RASSF8: variants seen among roughly 807,000 people sequenced by gnomAD.
RASSF8 encodes ras association domain-containing protein 8.
A neutral mutation model predicts 48.5 loss-of-function variants in RASSF8; 22 were observed. The ratio of observed to expected loss-of-function variants is 0.45; its 90% CI spans 0.32 to 0.65. The LOEUF is 0.65. RASSF8 is among the 30% of genes least tolerant of loss of function. RASSF8 has a pLI of 0.03. For synonymous variants in RASSF8, 127 were observed against 171.5 expected, an observed-to-expected ratio of 0.74 and a Z score of 2.03; for missense variants, 418 against 489.2, an observed-to-expected ratio of 0.85 and a Z score of 1.37.
At chr12:25,975,270 T>G (rs554171998) in intron 1 of RASSF8, among the ~76,000 whole-genome samples, 1 of 152,176 alleles carries the variant, frequency 6.6e-6, no homozygotes, top group Admixed American at 6.5e-5. Context: ...ATCATTAAAG[T>G]TAGATGTGCA....
At position 25,961,715 on chromosome 12, in the gene RASSF8, C is replaced by T. The variant is rs187600064; in HGVS notation, c.-203+2567C>T. Among the ~76,000 whole-genome samples the T allele has an allele frequency of 1.8e-3, 275 of 152,290 alleles. 2 individuals carry two copies. Among genetic ancestry groups the T allele is most frequent in the African/African-American group, 6.3e-3 (263 of 41,556 alleles). On this transcript the variant is annotated intron_variant, in intron 1 of 5. Coordinates refer to ENST00000689635, the MANE Select transcript of RASSF8 (RefSeq NM_001394098.1). ...TAATATATATTAGATGTGCCTGGCA[C>T]ATTTCAGCCAATAAATGACAACATC... is the stretch of plus-strand genomic sequence containing the variant.
At chr12:26,040,753 G>A (rs1046341834) in intron 2 of RASSF8, among the ~76,000 whole-genome samples, 4 of 152,020 alleles carry the variant, frequency 2.6e-5, no homozygotes, top group African/African-American at 9.7e-5. Flanking sequence ...TTGAACTGTG[G>A]CTTTTTCCTG....
chr12:26,008,333 T>C (rs183574218), intron 2 of RASSF8, among the ~76,000 whole-genome samples: 1 of 152,322 alleles, frequency 6.6e-6, no homozygotes, highest in East Asian at 1.9e-4. Context: ...CTATACTGTT[T>C]CCAGCCAGTT....
At chr12:25,986,731 A>G (rs1941884655) in intron 1 of RASSF8, among the ~76,000 whole-genome samples, 1 of 152,158 alleles carries the variant, frequency 6.6e-6, no homozygotes, top group Admixed American at 6.5e-5. Flanking sequence ...TCCAGTGGCC[A>G]TTGGCTTCTC....
At position 26,072,061 on chromosome 12, in the gene RASSF8, A is replaced by AT; in HGVS notation, c.*3246dup. On this transcript the variant is annotated 3_prime_UTR_variant, in exon 6 of 6. Coordinates refer to ENST00000689635, the MANE Select transcript of RASSF8 (RefSeq NM_001394098.1). ...AACACAGAAAAGACAAAAACTTTTG[A>AT]TTTCAGGCATGCAAAGTGCTTGGGC... 1 of 985,398 alleles carries AT rather than the reference A, an allele frequency of 1.0e-6. No individual in the cohort carries two copies. Among genetic ancestry groups the AT allele is most frequent in the Non-Finnish European group, 1.2e-6 (1 of 829,886 alleles). 61.0% of individuals were successfully genotyped at this position (985,398 alleles called of 1,614,324 possible). A position where few individuals can be genotyped will look rare whatever the true frequency, so the allele number is the denominator to read the frequency against.
rs77993947 is a variant in RASSF8 at position 26,006,346 on chromosome 12, G to A, written c.-109+11216G>A. Among the ~76,000 whole-genome samples, 65 of 152,246 alleles carry A rather than the reference G, an allele frequency of 4.3e-4. 1 individual carries two copies. The East Asian group carries it at 0.012, about 29-fold the overall frequency. ...GCCCTTGAGTACTTGGTTTCTCTAAGATCTCTTTTAGGTCTCTAAAACCTC... is the reference window on the plus strand; with the variant it reads ...GCCCTTGAGTACTTGGTTTCTCTAAAATCTCTTTTAGGTCTCTAAAACCTC... On this transcript the variant is annotated intron_variant, in intron 2 of 5. Transcript: ENST00000689635.
chr12:26,009,504 A>G (rs1942472832), intron 2 of RASSF8, among the ~76,000 whole-genome samples: 2 of 152,186 alleles, frequency 1.3e-5, no homozygotes, highest in Admixed American at 1.3e-4. Context: ...ACAACTTCCA[A>G]ATGACCCACG....
intron 2 of RASSF8, among the ~76,000 whole-genome samples, chr12:26,005,416 C>T (rs1160569547): frequency 1.3e-5 from 2 of 152,092 alleles, no homozygotes; most frequent in African/African-American, 4.8e-5. Flanking sequence ...CTCATTGCAC[C>T]GGTGACTGTC....
chr12:25,965,000 T>C (rs1333194019), intron 1 of RASSF8, among the ~76,000 whole-genome samples: 1 of 152,178 alleles, frequency 6.6e-6, no homozygotes, highest in Non-Finnish European at 1.5e-5. Flanking sequence ...TGGAGTGCAG[T>C]GGCACGATCT....
chr12:26,065,418 G>T, intron 4 of RASSF8, 31 bp downstream of exon 4: 1 of 1,548,332 alleles, frequency 6.5e-7, no homozygotes, highest in Non-Finnish European at 8.7e-7. Flanking sequence ...AGAATGTTTG[G>T]CCCATGTAAA....
chr12:26,004,513 G>A (rs1942338896), intron 2 of RASSF8, among the ~76,000 whole-genome samples: 1 of 151,600 alleles, frequency 6.6e-6, no homozygotes, highest in Admixed American at 6.6e-5. Flanking sequence ...ATAGCCTATT[G>A]TTGACCAGAA....
chr12:25,988,853 G>A (rs1283442449), intron 1 of RASSF8, among the ~76,000 whole-genome samples: 2 of 152,188 alleles, frequency 1.3e-5, no homozygotes, highest in South Asian at 4.1e-4. Context: ...GAAACCTCCC[G>A]AGAATTCCTA....
chr12:26,070,412 G>A lies in RASSF8; in HGVS notation c.*1594G>A, dbSNP rs928564343. The A allele has an allele frequency of 2.0e-6, 2 of 985,342 alleles. No homozygotes were observed. Among genetic ancestry groups the A allele is most frequent in the Non-Finnish European group, 2.4e-6 (2 of 829,874 alleles). The allele number at this position is 985,342 out of a possible 1,614,324, so 61.0% of individuals were successfully genotyped here. A position where few individuals can be genotyped will look rare whatever the true frequency, so the allele number is the denominator to read the frequency against. On this transcript the variant is annotated 3_prime_UTR_variant, in exon 6 of 6. Coordinates refer to ENST00000689635, the MANE Select transcript of RASSF8 (RefSeq NM_001394098.1). ...AGAGAACTGAAAGTCATAATGCAGA[G>A]TTGCCTTTTCTAGTGCAGCTAAGTG...
chr12:25,981,294 C>T (rs1941737283), intron 1 of RASSF8, among the ~76,000 whole-genome samples: 1 of 152,098 alleles, frequency 6.6e-6, no homozygotes, highest in African/African-American at 2.4e-5. Flanking sequence ...GGCAGGAGAA[C>T]CAGCCCCAAA....
intron 3 of RASSF8, among the ~76,000 whole-genome samples, chr12:26,057,387 C>T (rs924499878): frequency 3.3e-5 from 5 of 152,140 alleles, no homozygotes; most frequent in Non-Finnish European, 7.4e-5. Flanking sequence ...GTTTGGTTTT[C>T]TGTCCTTGTG....
chr12:26,004,510 A>G (rs772958032), intron 2 of RASSF8, among the ~76,000 whole-genome samples: 11 of 152,238 alleles, frequency 7.2e-5, no homozygotes, highest in South Asian at 2.1e-4. Context: ...CTAATAGCCT[A>G]TTGTTGACCA....
intron 1 of RASSF8, among the ~76,000 whole-genome samples, chr12:25,965,647 T>C (rs863807): frequency 0.9 from 137,620 of 152,158 alleles, 62,319 homozygotes; most frequent in East Asian, 0.99. Flanking sequence ...AGAGCCACCA[T>C]GCCCACCCCA....
At chr12:25,976,338 T>C (rs1406897992) in intron 1 of RASSF8, among the ~76,000 whole-genome samples, 1 of 152,212 alleles carries the variant, frequency 6.6e-6, no homozygotes. Context: ...GAGTCTTCAT[T>C]TGCAACTTTG....
At position 26,068,709 on chromosome 12, in the gene RASSF8, A is replaced by G. The variant is rs1219984805; in HGVS notation, c.1151A>G (p.Gln384Arg). 16 of 1,537,256 alleles carry G rather than the reference A, an allele frequency of 1.0e-5. No individual in the cohort carries two copies. Among genetic ancestry groups the G allele is most frequent in the Non-Finnish European group, 1.3e-5 (15 of 1,146,800 alleles). ...HADIEREAPF[Q>R]SGSLKRPGSS... The stretch of plus-strand genomic sequence containing the variant: ...GTTTCCTGTTTAGAGGCACCATTCC[A>G]GTCTGGGTCCCTGAAGCGACCTGGT... Residue 384 changes from glutamine (Q) to arginine (R), a missense_variant, in exon 6 of 6, where the codon CAG becomes CGG. Transcript: ENST00000689635.
Sources: allele counts gnomAD v4.1 joint callset (sites outside exome capture counted in the v4.1 genomes callset), GRCh38; gene constraint gnomAD v4.1.1; transcripts MANE v1.5; gene names NCBI Gene and HGNC (gene_info 2026-07-23, HGNC 2026-07-21).